The following CNTNAP2 variants were observed in gnomAD, a reference collection of about 807,000 sequenced individuals.
CNTNAP2 encodes the protein contactin-associated protein-like 2.
A neutral mutation model predicts 155.2 loss-of-function variants in CNTNAP2; 98 were observed. The ratio of observed to expected loss-of-function variants is 0.63; its 90% CI spans 0.54 to 0.75. The LOEUF is 0.75. Ranked by LOEUF, CNTNAP2 falls within the 30% of genes least tolerant of loss-of-function variation. The pLI, the probability that CNTNAP2 is intolerant of heterozygous loss-of-function variation, is 0.00. For missense variants in CNTNAP2, 1,727 were observed against 1,688.1 expected (o/e 1.02, Z -0.40); for synonymous variants, 651 against 631.2 (o/e 1.03, Z -0.47).
intron 1 of CNTNAP2, among the ~76,000 whole-genome samples, chr7:146,472,463 A>G (rs1796814671): frequency 1.3e-5 from 2 of 152,224 alleles, no homozygotes; most frequent in Admixed American, 1.3e-4. Context: ...GCACTCGGAT[A>G]ACCACTAGGA....
chr7:146,926,118 T>C (rs1006074538), intron 3 of CNTNAP2, among the ~76,000 whole-genome samples: 1 of 152,184 alleles, frequency 6.6e-6, no homozygotes, highest in Non-Finnish European at 1.5e-5. Context: ...ACATGGCCTT[T>C]GGATTACAAT....
chr7:147,282,976 C>A (rs1428398879), intron 8 of CNTNAP2, among the ~76,000 whole-genome samples: 1 of 151,888 alleles, frequency 6.6e-6, no homozygotes, highest in Non-Finnish European at 1.5e-5. Context: ...CCTGAAGTCA[C>A]CTTCAAAAAT....
intron 3 of CNTNAP2, among the ~76,000 whole-genome samples, chr7:146,952,620 C>T (rs1317459219): frequency 2.2e-4 from 34 of 152,104 alleles, no homozygotes; most frequent in Non-Finnish European, 1.5e-5. Context: ...CACAAGCATT[C>T]CTATACACCA....
chr7:146,473,182 T>G (rs542398183), intron 1 of CNTNAP2, among the ~76,000 whole-genome samples: 1 of 151,758 alleles, frequency 6.6e-6, no homozygotes, highest in South Asian at 2.1e-4. Flanking sequence ...TCTGGCAGGG[T>G]CAGGGAAAGA....
At chr7:147,356,697 T>C (rs1167908804) in intron 9 of CNTNAP2, among the ~76,000 whole-genome samples, 1 of 152,120 alleles carries the variant, frequency 6.6e-6, no homozygotes, top group Non-Finnish European at 1.5e-5. Flanking sequence ...TTACAAGAAA[T>C]ATTTCATGAA....
intron 8 of CNTNAP2, among the ~76,000 whole-genome samples, chr7:147,253,248 C>T (rs373122231): frequency 2.0e-5 from 3 of 152,080 alleles, no homozygotes; most frequent in African/African-American, 7.2e-5. Flanking sequence ...TGTGATTCAC[C>T]ATGTTATTCT....
intron 1 of CNTNAP2, among the ~76,000 whole-genome samples, chr7:146,464,125 T>C (rs1796679604): frequency 6.6e-6 from 1 of 151,950 alleles, no homozygotes; most frequent in Non-Finnish European, 1.5e-5. Context: ...CAAAAAACAG[T>C]TCGTTAATGA....
At position 146,668,915 on chromosome 7, in the gene CNTNAP2, T is replaced by A. The variant is rs1024655068; in HGVS notation, c.98-105356T>A. Among the ~76,000 whole-genome samples the A allele has an allele frequency of 3.9e-5, 6 of 152,290 alleles. 1 individual carries two copies. The highest frequency in any genetic ancestry group is 1.5e-5 in the Non-Finnish European group (1 of 67,984). On this transcript the variant is annotated intron_variant, in intron 1 of 23. Coordinates refer to ENST00000361727, the MANE Select transcript of CNTNAP2 (RefSeq NM_014141.6). ...CACTTTATTGCTAGTTAGCCCATATTGTATGATTTCAATCATTTTAATTCT... is the reference window on the plus strand; with the variant it reads ...CACTTTATTGCTAGTTAGCCCATATAGTATGATTTCAATCATTTTAATTCT...
At position 147,344,802 on chromosome 7, in the gene CNTNAP2, C is replaced by T. The variant is rs75921990; in HGVS notation, c.1498+44512C>T. 7.1e-3 allele frequency among the ~76,000 whole-genome samples: 1,073 copies of T among 152,036 alleles called. 10 individuals carry two copies. The highest frequency in any genetic ancestry group is 0.024 in the African/African-American group (1,015 of 41,496). On this transcript the variant is annotated intron_variant, in intron 9 of 23. Transcript: ENST00000361727. The stretch of plus-strand genomic sequence containing the variant: ...AAAATTAGGGACTTTTTTTAATAAA[C>T]GTACATTAGGATCAAAATATTTCAC...
intron 14 of CNTNAP2, among the ~76,000 whole-genome samples, chr7:147,931,178 A>T (rs1467932370): frequency 1.3e-5 from 2 of 151,760 alleles, no homozygotes; most frequent in African/African-American, 4.8e-5. Context: ...AGGAAGAAAT[A>T]ATGTAGATTA....
intron 21 of CNTNAP2, among the ~76,000 whole-genome samples, chr7:148,268,452 G>A (rs2116842548): frequency 6.6e-6 from 1 of 152,136 alleles, no homozygotes; most frequent in Non-Finnish European, 1.5e-5. Context: ...AGGAGATCAA[G>A]ACCATCCTGG....
chr7:147,590,459 T>C (rs914516747), intron 12 of CNTNAP2, among the ~76,000 whole-genome samples: 28 of 152,126 alleles, frequency 1.8e-4, no homozygotes, highest in Admixed American at 9.8e-4. Context: ...TTAGCACTCA[T>C]TCTCTCTCCT....
chr7:148,227,265 C>T (rs1795870445), intron 19 of CNTNAP2, among the ~76,000 whole-genome samples: 1 of 152,080 alleles, frequency 6.6e-6, no homozygotes, highest in Admixed American at 6.5e-5. Context: ...GGGTCACGGG[C>T]CCAGCAAGAG....
At chr7:147,258,197 T>TG (rs1005998154) in intron 8 of CNTNAP2, among the ~76,000 whole-genome samples, 6 of 147,030 alleles carry the variant, frequency 4.1e-5, no homozygotes, top group Admixed American at 1.3e-4. Context: ...TAAGTGAATT[T>TG]GTTTTTTTAT....
intron 13 of CNTNAP2, among the ~76,000 whole-genome samples, chr7:147,743,871 T>C (rs1304233985): frequency 6.6e-6 from 1 of 152,150 alleles, no homozygotes; most frequent in African/African-American, 2.4e-5. Flanking sequence ...TGATGGCTAC[T>C]GTGGAGTGGA....
At chr7:146,771,482 G>C (rs1366677596) in intron 1 of CNTNAP2, among the ~76,000 whole-genome samples, 1 of 152,194 alleles carries the variant, frequency 6.6e-6, no homozygotes, top group Admixed American at 6.5e-5. Flanking sequence ...CAGCTAAACA[G>C]AAGTAGATGT....
intron 2 of CNTNAP2, among the ~76,000 whole-genome samples, chr7:146,795,358 C>T (rs776568177): frequency 6.6e-5 from 10 of 152,094 alleles, no homozygotes; most frequent in East Asian, 3.8e-4. Context: ...ACTCTGACCT[C>T]GCAAATCAAC....
intron 1 of CNTNAP2, among the ~76,000 whole-genome samples, chr7:146,422,629 A>C (rs1796029024): frequency 6.6e-6 from 1 of 152,002 alleles, no homozygotes; most frequent in Middle Eastern, 3.4e-3. Context: ...ATGCTGTTTT[A>C]TTTTTATATT....
intron 1 of CNTNAP2, among the ~76,000 whole-genome samples, chr7:146,164,823 G>A (rs1410433966): frequency 6.6e-6 from 1 of 152,094 alleles, no homozygotes; most frequent in Non-Finnish European, 1.5e-5. Flanking sequence ...AAGACAATTT[G>A]TGTTTAGATC....
Sources: allele counts gnomAD v4.1 joint callset (sites outside exome capture counted in the v4.1 genomes callset), GRCh38; gene constraint gnomAD v4.1.1; transcripts MANE v1.5; gene names NCBI Gene and HGNC (gene_info 2026-07-23, HGNC 2026-07-21).